Variants in THRAP3 observed in about 807,000 individuals in gnomAD.
THRAP3 encodes thyroid hormone receptor-associated protein 3.
In THRAP3, 16 loss-of-function variants were observed where a neutral mutation model predicts 101.0. The ratio of observed to expected loss-of-function variants is 0.16; its 90% CI spans 0.11 to 0.24. The LOEUF (loss-of-function observed/expected upper bound fraction) is 0.24. THRAP3 is among the 10% of genes least tolerant of loss of function. The probability of loss-of-function intolerance (pLI) is 1.00; values close to 1 mark genes in which losing one functional copy is unlikely to be tolerated. For synonymous variants in THRAP3, 407 were observed against 422.6 expected (o/e 0.96, Z 0.45); for missense variants, 989 against 1,202.7 (o/e 0.82, Z 2.63).
chr1:36,257,932 C>T lies in THRAP3; in HGVS notation c.-134-1450C>T, dbSNP rs1645396270. Among the ~76,000 whole-genome samples the T allele has an allele frequency of 2.0e-5, 3 of 152,276 alleles. No homozygotes were observed. The South Asian group carries it at 6.2e-4, about 32-fold the overall frequency. On this transcript the variant is annotated intron_variant, in intron 1 of 11. Coordinates refer to ENST00000354618, the MANE Select transcript of THRAP3 (RefSeq NM_005119.4). ...CTCGGCACACTGCAACCTCTGCTTC[C>T]CGAGTTCAAGGGATTCTCCTGCCTC...
chr1:36,210,494 G>A, the THRAP3 span, among the ~76,000 whole-genome samples: 3 of 148,696 alleles, frequency 2.0e-5, no homozygotes, highest in African/African-American at 7.4e-5. Context: ...TTCGAGACCA[G>A]TCTGGCCAAC....
chr1:36,223,612 T>TA (rs1243304212), upstream of THRAP3, among the ~76,000 whole-genome samples: 2 of 152,182 alleles, frequency 1.3e-5, no homozygotes, highest in African/African-American at 2.4e-5. Context: ...GCAAAACTGA[T>TA]AAACGCAGAG....
intron 1 of THRAP3, among the ~76,000 whole-genome samples, chr1:36,235,830 T>C (rs1645081218): frequency 6.6e-6 from 1 of 152,142 alleles, no homozygotes; most frequent in Non-Finnish European, 1.5e-5. Flanking sequence ...ATGGGACTGC[T>C]TATGGTACAT....
chr1:36,228,288 G>C (rs1051173057), intron 1 of THRAP3, among the ~76,000 whole-genome samples: 1 of 151,752 alleles, frequency 6.6e-6, no homozygotes, highest in Admixed American at 6.6e-5. Flanking sequence ...CATGGTCTCG[G>C]CTCACTGCTA....
intron 3 of THRAP3, among the ~76,000 whole-genome samples, chr1:36,283,231 C>G (rs936747514): frequency 2.0e-5 from 3 of 152,212 alleles, no homozygotes; most frequent in Non-Finnish European, 2.9e-5. Flanking sequence ...TTAAAAATCG[C>G]TATTGAAAAC....
chr1:36,236,341 C>A (rs751358882), intron 1 of THRAP3, among the ~76,000 whole-genome samples: 1 of 152,002 alleles, frequency 6.6e-6, no homozygotes, highest in African/African-American at 2.4e-5. Flanking sequence ...AAATTTAGTT[C>A]ATCAGTCATA....
intron 11 of THRAP3, among the ~76,000 whole-genome samples, chr1:36,302,381 G>A (rs536738633): frequency 6.6e-6 from 1 of 152,354 alleles, no homozygotes; most frequent in African/African-American, 2.4e-5. Flanking sequence ...GAAACAGGTT[G>A]TGTGTGGATG....
intron 2 of THRAP3, among the ~76,000 whole-genome samples, chr1:36,267,239 T>C (rs1348724227): frequency 6.6e-6 from 1 of 152,188 alleles, no homozygotes; most frequent in Non-Finnish European, 1.5e-5. Context: ...TCACAGTGTA[T>C]GTGTATGTGT....
chr1:36,248,279 T>G (rs1005033105), intron 1 of THRAP3, among the ~76,000 whole-genome samples: 1 of 152,020 alleles, frequency 6.6e-6, no homozygotes, highest in African/African-American at 2.4e-5. Flanking sequence ...TGCCATATCT[T>G]TATTTGTTGG....
chr1:36,217,632 C>T, the THRAP3 span, among the ~76,000 whole-genome samples: 1 of 151,972 alleles, frequency 6.6e-6, no homozygotes, highest in Non-Finnish European at 1.5e-5. Context: ...GTGTCCCTGT[C>T]ACATTTTGGT....
chr1:36,290,320 C>G (rs1052456161), intron 5 of THRAP3, among the ~76,000 whole-genome samples: 1 of 151,872 alleles, frequency 6.6e-6, no homozygotes, highest in Non-Finnish European at 1.5e-5. Context: ...CTCAGCCTCC[C>G]GAGTAGCTGG....
intron 1 of THRAP3, among the ~76,000 whole-genome samples, chr1:36,235,347 AGTT>A (rs1380533546): frequency 1.3e-5 from 2 of 152,194 alleles, no homozygotes; most frequent in African/African-American, 4.8e-5. Context: ...AGTCATAAGA[AGTT>A]AAGTCTGAAA....
At chr1:36,297,157 A>G (rs1645963066) in intron 9 of THRAP3, among the ~76,000 whole-genome samples, 1 of 152,202 alleles carries the variant, frequency 6.6e-6, no homozygotes, top group Non-Finnish European at 1.5e-5. Context: ...CTGTTTAGTC[A>G]AAGAAACAGG....
the THRAP3 span, among the ~76,000 whole-genome samples, chr1:36,216,725 G>A: frequency 5.3e-5 from 8 of 151,756 alleles, no homozygotes; most frequent in African/African-American, 1.9e-4. Flanking sequence ...GCTGCAGTGA[G>A]CTGTGATCAC....
intron 1 of THRAP3, among the ~76,000 whole-genome samples, chr1:36,253,095 A>G (rs1211065617): frequency 1.3e-5 from 2 of 151,672 alleles, no homozygotes; most frequent in African/African-American, 4.8e-5. Context: ...TTGATGGCAA[A>G]TATTTATTTG....
In THRAP3 at chr1:36,273,999, C is replaced by T. The variant is rs559912247; in HGVS notation, c.-31-8534C>T. On this transcript the variant is annotated intron_variant, in intron 2 of 11. Transcript: ENST00000354618. ...TGGAGGCTGCAGTGAGCCAAGATCA[C>T]GCCACTGCACTCCATCCTGAGCAAC... is the stretch of plus-strand genomic sequence containing the variant. Among the ~76,000 whole-genome samples, 208 of 150,804 alleles carry T rather than the reference C, an allele frequency of 1.4e-3. 4 individuals are homozygous for T. The highest frequency in any genetic ancestry group is 0.011 in the Admixed American group (172 of 15,158).
intron 1 of THRAP3, among the ~76,000 whole-genome samples, chr1:36,243,921 G>A (rs1175224717): frequency 2.2e-5 from 3 of 136,870 alleles, no homozygotes. Context: ...GCCGGGCGGG[G>A]GGCTGACCCC....
intron 2 of THRAP3, 115 bp from the exon 3 acceptor site, chr1:36,282,418 T>G: frequency 4.3e-6 from 3 of 690,062 alleles, no homozygotes; most frequent in Non-Finnish European, 6.9e-6. Flanking sequence ...TTTTTGTAGA[T>G]ATGGGGTCTT....
chr1:36,238,056 A>T (rs1645112236), intron 1 of THRAP3, among the ~76,000 whole-genome samples: 1 of 151,920 alleles, frequency 6.6e-6, no homozygotes, highest in African/African-American at 2.4e-5. Flanking sequence ...GATGGTCTGG[A>T]TCTCCTGACC....
Sources: allele counts gnomAD v4.1 joint callset (sites outside exome capture counted in the v4.1 genomes callset), GRCh38; gene constraint gnomAD v4.1.1; transcripts MANE v1.5; gene names NCBI Gene and HGNC (gene_info 2026-07-23, HGNC 2026-07-21).